ZNF732: variants seen among roughly 807,000 people sequenced by gnomAD.
ZNF732 encodes zinc finger protein LOC654254.
ZNF732 carries 12 observed loss-of-function variants against 11.5 expected under a neutral mutation model. The ratio of observed to expected loss-of-function variants is 1.05; its 90% confidence interval spans 0.67 to 1.70. ZNF732 has a LOEUF of 1.70. Among genes scored for constraint, ZNF732 ranks in the 40% most tolerant of loss-of-function variants. The probability of loss-of-function intolerance (pLI) is 0.00; values close to 1 mark genes in which losing one functional copy is unlikely to be tolerated. For missense variants in ZNF732, 702 were observed against 676.9 expected (o/e 1.04, Z -0.41); for synonymous variants, 231 against 236.5 (o/e 0.98, Z 0.21).
intron 1 of ZNF732, among the ~76,000 whole-genome samples, chr4:301,432 GGC>G (rs1720116120): frequency 6.6e-6 from 1 of 152,188 alleles, no homozygotes; most frequent in East Asian, 1.9e-4. Flanking sequence ...TGTTTATTGT[GGC>G]ACTATTCACA....
At chr4:289,427 G>A (rs1719795815) in intron 3 of ZNF732, among the ~76,000 whole-genome samples, 1 of 152,174 alleles carries the variant, frequency 6.6e-6, no homozygotes, top group South Asian at 2.1e-4. Flanking sequence ...AAACTCTCCA[G>A]GCTCTCCATC....
intron 3 of ZNF732, among the ~76,000 whole-genome samples, chr4:274,138 T>C (rs781922582): frequency 1.3e-5 from 2 of 151,684 alleles, no homozygotes; most frequent in Non-Finnish European, 3.0e-5. Flanking sequence ...ACAGAAAATA[T>C]TGTAATTATT....
At chr4:284,591 T>C (rs78833908) in intron 3 of ZNF732, among the ~76,000 whole-genome samples, 9,389 of 151,700 alleles carry the variant, frequency 0.062, 486 homozygotes, top group African/African-American at 0.14. Flanking sequence ...AGACAACAAA[T>C]ACTGGGTGCA....
Position 299,465 on chromosome 4 carries a change from A to ATATG in ZNF732, c.4-3311_4-3310insCATA, listed in dbSNP as rs1560165295. On this transcript the variant is annotated intron_variant, in intron 1 of 3. Transcript: ENST00000419098. ...TATATATATATACACATATGTGTATATATATATACACATATATACACATAT... is the reference window on the plus strand; with the variant it reads ...TATATATATATACACATATGTGTATATATGTATATATACACATATATACACATAT... Among the ~76,000 whole-genome samples, 5 of 68,490 alleles carry ATATG rather than the reference A, an allele frequency of 7.3e-5. 1 individual carries two copies. The highest frequency in any genetic ancestry group is 1.5e-4 in the Non-Finnish European group (5 of 33,538). The allele number at this position is 68,490 out of a possible 152,430, so 44.9% of individuals were successfully genotyped here.
chr4:294,725 C>T (rs941832129), intron 3 of ZNF732, among the ~76,000 whole-genome samples: 2 of 152,152 alleles, frequency 1.3e-5, no homozygotes, highest in Non-Finnish European at 2.9e-5. Flanking sequence ...ATGTATTTCA[C>T]GTGTGGCTCA....
At chr4:287,445 C>A (rs1553840742) in intron 3 of ZNF732, among the ~76,000 whole-genome samples, 1 of 151,810 alleles carries the variant, frequency 6.6e-6, no homozygotes, top group Admixed American at 6.6e-5. Context: ...GAACTCCTGA[C>A]CTCTGGTGAT....
chr4:295,514 T>A lies in ZNF732; in HGVS notation c.150A>T (p.Pro50=), dbSNP rs782304918. The change falls in exon 3 of 4, where the codon CCA becomes CCT. Residue 50 remains proline, a synonymous_variant. Transcript: ENST00000419098. ...TTTGCTCCAGATAGATGACCAGGTCTGGGTTAGAGATAGCAACACCTGTTT... is the reference window on the plus strand; with the variant it reads ...TTTGCTCCAGATAGATGACCAGGTCAGGGTTAGAGATAGCAACACCTGTTT... ...LISLGVAISN[P]DLVIYLEQRK... The A allele has an allele frequency of 3.1e-6, 5 of 1,612,770 alleles. No homozygotes were observed. In the South Asian group the frequency reaches 5.5e-5, roughly 18 times the overall value.
At chr4:299,375 A>ATATACACATATGTACACATATGTG (rs1720034091) in intron 1 of ZNF732, among the ~76,000 whole-genome samples, 2 of 60,282 alleles carry the variant, frequency 3.3e-5, no homozygotes, top group Non-Finnish European at 7.7e-5. Flanking sequence ...ATATGTGTAT[A>ATATACACATATGTACACATATGTG]TATATATACA....
chr4:271,992 A>C lies in ZNF732; in HGVS notation c.865T>G (p.Ser289Ala). 1 of 1,606,972 alleles carries C rather than the reference A, an allele frequency of 6.2e-7. No individual in the cohort carries two copies. Among genetic ancestry groups the C allele is most frequent in the Non-Finnish European group, 8.5e-7 (1 of 1,176,766 alleles). Reference sequence around the variant, plus strand: ...TTATGTTTGGCAACATTTGAGGATGAGGTAATGATTTTGCCACATTCTTCA... The same window carrying C: ...TTATGTTTGGCAACATTTGAGGATGCGGTAATGATTTTGCCACATTCTTCA... ...TCEECGKIITSSSNVAKHKKI... is the reference protein window; with the variant it reads ...TCEECGKIITASSNVAKHKKI... The change falls in exon 4 of 4, where the codon TCA (serine) becomes GCA (alanine). Residue 289 changes from serine to alanine, a missense_variant. Coordinates refer to ENST00000419098, the MANE Select transcript of ZNF732 (RefSeq NM_001137608.3).
chr4:290,703 T>C (rs1386965043), intron 3 of ZNF732, among the ~76,000 whole-genome samples: 2 of 152,176 alleles, frequency 1.3e-5, no homozygotes, highest in Non-Finnish European at 2.9e-5. Flanking sequence ...CAACCTGCCA[T>C]ATAGATTAAT....
At chr4:296,786 T>C (rs1306590621) in intron 1 of ZNF732, among the ~76,000 whole-genome samples, 7 of 152,192 alleles carry the variant, frequency 4.6e-5, no homozygotes, top group Non-Finnish European at 8.8e-5. Context: ...CACATTATAT[T>C]ACCACTCGGC....
intron 1 of ZNF732, among the ~76,000 whole-genome samples, chr4:302,701 G>A (rs1553843791): frequency 6.6e-6 from 1 of 152,138 alleles, no homozygotes; most frequent in East Asian, 1.9e-4. Flanking sequence ...AAAGACAAAT[G>A]ACTTATTTAA....
chr4:297,784 A>T (rs1205441710), intron 1 of ZNF732, among the ~76,000 whole-genome samples: 4 of 152,054 alleles, frequency 2.6e-5, no homozygotes, highest in Admixed American at 2.6e-4. Context: ...AGCTTTGGAG[A>T]GGCAGTAGGA....
intron 1 of ZNF732, among the ~76,000 whole-genome samples, chr4:303,469 T>C (rs1055828693): frequency 6.6e-6 from 1 of 152,036 alleles, no homozygotes; most frequent in Non-Finnish European, 1.5e-5. Flanking sequence ...TTAGAAAAAT[T>C]AGCTGGGCGT....
In ZNF732 at chr4:296,166, A is replaced by C. The variant is rs782036497; in HGVS notation, c.4-11T>G. The C allele has an allele frequency of 2.5e-6, 4 of 1,609,846 alleles. No homozygotes were observed. The highest frequency in any genetic ancestry group is 3.4e-6 in the Non-Finnish European group (4 of 1,179,122). On this transcript the variant is annotated splice_polypyrimidine_tract_variant and intron_variant, in intron 1 of 3. Coordinates refer to ENST00000419098, the MANE Select transcript of ZNF732 (RefSeq NM_001137608.3). ...GAATGTTAAGAGTTCCTGAAAATAT[A>C]TATGTATCAAGTGACAGAGTTCTTA... is the stretch of plus-strand genomic sequence containing the variant.
At chr4:285,877 C>A (rs1230808373) in intron 3 of ZNF732, among the ~76,000 whole-genome samples, 1 of 152,200 alleles carries the variant, frequency 6.6e-6, no homozygotes, top group African/African-American at 2.4e-5. Flanking sequence ...GTAGCTGGAA[C>A]TACAGGTGCA....
At chr4:300,352 A>G (rs1391869342) in intron 1 of ZNF732, among the ~76,000 whole-genome samples, 6 of 150,596 alleles carry the variant, frequency 4.0e-5, no homozygotes, top group Non-Finnish European at 7.4e-5. Context: ...AGTCCCAGCT[A>G]CTCAGGAGGC....
rs782557900 is a variant in ZNF732, at chr4:271,886, T to C, written c.971A>G (p.His324Arg). The C allele has an allele frequency of 6.2e-6, 10 of 1,613,382 alleles. No homozygotes were observed. The highest frequency in any genetic ancestry group is 8.5e-6 in the Non-Finnish European group (10 of 1,179,768). Residue 324 changes from histidine to arginine, a missense_variant, in exon 4 of 4, where the codon CAT becomes CGT. His to Arg is a conservative substitution (Grantham distance 29). This residue lies in a region of ZNF732 where 596 missense variants were observed against 557.9 expected (regional missense o/e 1.07). Transcript: ENST00000419098. ...TTTCTCTCCAGTATGAATTCTGTTA[T>C]GTTTAGTAAGGGTTGTGGACCTATT... The part of the protein sequence containing the change: ...VFNRSTTLTK[H>R]NRIHTGEKPY...
intron 1 of ZNF732, among the ~76,000 whole-genome samples, chr4:304,573 C>T (rs551860659): frequency 1.1e-4 from 17 of 150,228 alleles, no homozygotes; most frequent in South Asian, 2.1e-4. Context: ...GCTGCCCCCC[C>T]CCTGCAGACG....
Sources: gnomAD v4.1 joint callset for allele counts (sites outside exome capture counted in the v4.1 genomes callset) on GRCh38, gnomAD v4.1.1 for gene constraint, gnomAD v4.1.1 regional missense constraint, MANE v1.5 for transcripts, NCBI Gene and HGNC (gene_info 2026-07-23, HGNC 2026-07-21) for gene names.